Variants in SLC4A8 observed in about 807,000 individuals in gnomAD.
SLC4A8 encodes the protein solute carrier family 4 member 8.
SLC4A8 carries 40 observed loss-of-function variants against 125.0 expected under a neutral mutation model. The observed-to-expected ratio is 0.32, with a 90% CI of 0.25 to 0.42. The LOEUF is 0.42. Ranked by LOEUF, SLC4A8 falls within the 10% of genes least tolerant of loss-of-function variation. SLC4A8 has a pLI of 1.00. For missense variants in SLC4A8, 863 were observed against 1,355.1 expected (o/e 0.64, Z 5.70); for synonymous variants, 456 against 476.0 (o/e 0.96, Z 0.55).
At chr12:51,416,211 G>GTTTTTTTTTTTTTTT (rs57565585) in intron 1 of SLC4A8, among the ~76,000 whole-genome samples, 4 of 82,526 alleles carry the variant, frequency 4.8e-5, no homozygotes, top group Non-Finnish European at 7.1e-5. Flanking sequence ...GAGGTCTTTT[G>GTTTTTTTTTTTTTTT]TTTTTTTTTT....
intron 1 of SLC4A8, among the ~76,000 whole-genome samples, chr12:51,432,027 T>G (rs1949202637): frequency 6.6e-6 from 1 of 152,176 alleles, no homozygotes; most frequent in Non-Finnish European, 1.5e-5. Context: ...AGCCTCAATT[T>G]AGAACTGTTT....
chr12:51,427,986 C>T (rs919616130), intron 1 of SLC4A8, among the ~76,000 whole-genome samples: 2 of 152,186 alleles, frequency 1.3e-5, no homozygotes, highest in African/African-American at 4.8e-5. Context: ...AGCCTGAATA[C>T]AATCAGGCTC....
chr12:51,476,906 C>CT (rs67928969), intron 16 of SLC4A8, among the ~76,000 whole-genome samples: 204 of 118,528 alleles, frequency 1.7e-3, no homozygotes, highest in African/African-American at 2.9e-3. Flanking sequence ...TTTTTCTTTT[C>CT]TTTTTTTTTT....
At chr12:51,452,897 G>A (rs1565786850) in intron 4 of SLC4A8, among the ~76,000 whole-genome samples, 1 of 152,188 alleles carries the variant, frequency 6.6e-6, no homozygotes, top group African/African-American at 2.4e-5. Flanking sequence ...CCTGAGCTTT[G>A]GGGAAGGAGC....
intron 24 of SLC4A8, 45 bp from the exon 25 acceptor site, chr12:51,507,381 G>T: frequency 7.9e-7 from 1 of 1,273,418 alleles, no homozygotes; most frequent in Non-Finnish European, 1.0e-6. Flanking sequence ...AAGGAGGAAT[G>T]AATCATATGT....
chr12:51,453,534 T>C lies in SLC4A8; in HGVS notation c.414-5T>C, dbSNP rs769954406. On this transcript the variant is annotated splice_region_variant and splice_polypyrimidine_tract_variant and intron_variant, in intron 4 of 24. Coordinates refer to ENST00000453097, the MANE Select transcript of SLC4A8 (RefSeq NM_001039960.3). ...TTGGCATCTAGTTATTTGTAATGCT[T>C]TCAGGTGGCTGAAGTTTGAAGAAGA... The C allele has an allele frequency of 1.2e-6, 2 of 1,613,528 alleles. No individual in the cohort carries two copies. Among genetic ancestry groups the C allele is most frequent in the Non-Finnish European group, 1.7e-6 (2 of 1,179,638 alleles).
At chr12:51,449,826 G>A (rs896048450) in intron 2 of SLC4A8, among the ~76,000 whole-genome samples, 1 of 152,040 alleles carries the variant, frequency 6.6e-6, no homozygotes, top group East Asian at 1.9e-4. Flanking sequence ...GATTGCTTGG[G>A]GCAATCAGCT....
At chr12:51,420,312 C>T (rs1456625538), upstream of SLC4A8, 2 of 152,194 alleles carry the variant, frequency 1.3e-5, no homozygotes, top group Admixed American at 6.5e-5. Context: ...GCCCTGGTGG[C>T]TCTTTGGACA....
chr12:51,470,628 G>T, intron 13 of SLC4A8, 103 bp downstream of exon 13: 1 of 1,116,588 alleles, frequency 9.0e-7, no homozygotes, highest in East Asian at 2.4e-5. Flanking sequence ...ATATCATTTT[G>T]GATTGTAAGA....
intron 1 of SLC4A8, 160 bp downstream of exon 1, chr12:51,425,195 T>A: frequency 7.0e-7 from 1 of 1,420,896 alleles, no homozygotes; most frequent in Non-Finnish European, 9.2e-7. Flanking sequence ...CTCCGGGCGG[T>A]TGGGGACCAG....
intron 22 of SLC4A8, among the ~76,000 whole-genome samples, chr12:51,500,433 TGA>T (rs1565823953): frequency 2.0e-5 from 3 of 152,182 alleles, no homozygotes; most frequent in South Asian, 2.1e-4. Context: ...TATATAATTG[TGA>T]GTTTGTATTT....
chr12:51,492,069 G>A (rs561144535), intron 19 of SLC4A8, among the ~76,000 whole-genome samples: 2 of 152,306 alleles, frequency 1.3e-5, no homozygotes, highest in Non-Finnish European at 2.9e-5. Context: ...AGTATGAGAA[G>A]TGGGGCTAAA....
intron 9 of SLC4A8, 151 bp from the exon 10 acceptor site, chr12:51,462,159 C>A (rs1950347075): frequency 3.0e-6 from 2 of 674,708 alleles, no homozygotes; most frequent in Admixed American, 5.2e-5. Flanking sequence ...TTTATCCTTG[C>A]ACTTCTCTAA....
intron 20 of SLC4A8, among the ~76,000 whole-genome samples, chr12:51,494,015 T>A (rs1951390629): frequency 6.6e-6 from 1 of 152,248 alleles, no homozygotes; most frequent in Non-Finnish European, 1.5e-5. Flanking sequence ...ATTCATTAAT[T>A]ATTCAACAGA....
chr12:51,458,667 G>A lies in SLC4A8; in HGVS notation c.855+17G>A, dbSNP rs1391574637. ...TTAAGCAAGGTGAGCAGAGTGGTGG[G>A]AAGTTGGCTTCAAGGCCTAAGGTTC... On this transcript the variant is annotated intron_variant, in intron 7 of 24. Transcript: ENST00000453097. 1 of 1,584,474 alleles carries A rather than the reference G, an allele frequency of 6.3e-7. No homozygotes were observed. The highest frequency in any genetic ancestry group is 1.7e-5 in the Admixed American group (1 of 59,966).
intron 16 of SLC4A8, among the ~76,000 whole-genome samples, chr12:51,485,205 T>C (rs1429619883): frequency 6.6e-6 from 1 of 152,146 alleles, no homozygotes; most frequent in African/African-American, 2.4e-5. Context: ...ACCCAACTTA[T>C]GTTTCAAATA....
chr12:51,397,723 G>A (rs1308824942), intron 1 of SLC4A8, among the ~76,000 whole-genome samples: 2 of 140,246 alleles, frequency 1.4e-5, no homozygotes, highest in East Asian at 2.1e-4. Flanking sequence ...ATTCTAAGGT[G>A]CATTTTTAAA....
chr12:51,424,932 G>A lies in SLC4A8; in HGVS notation c.-56G>A. Reference sequence around the variant, plus strand: ...ATCTGCTCAGACCCGACCAGAGGGCGCGGGCTGCTGATGCTTGGCTTGGAG... The same window carrying A: ...ATCTGCTCAGACCCGACCAGAGGGCACGGGCTGCTGATGCTTGGCTTGGAG... On this transcript the variant is annotated 5_prime_UTR_variant, in exon 1 of 25. Transcript: ENST00000453097. 6.5e-7 allele frequency: 1 copy of A among 1,536,772 alleles called. No homozygotes were observed. The highest frequency in any genetic ancestry group is 1.4e-5 in the African/African-American group (1 of 72,786).
intron 16 of SLC4A8, chr12:51,479,969 AT>A (rs202064260): frequency 0.36 from 107,312 of 297,714 alleles, 11,267 homozygotes; most frequent in African/African-American, 0.46. Flanking sequence ...TATAAATGGA[AT>A]TTTTTTTTTT....
Sources: gnomAD v4.1 joint callset for allele counts (sites outside exome capture counted in the v4.1 genomes callset) on GRCh38, gnomAD v4.1.1 for gene constraint, MANE v1.5 for transcripts, NCBI Gene and HGNC (gene_info 2026-07-23, HGNC 2026-07-21) for gene names.